Variants in CCAR1 observed in about 807,000 individuals in gnomAD.
CCAR1 encodes cell division cycle and apoptosis regulator protein 1.
Under a neutral mutation model 163.8 loss-of-function variants are expected in CCAR1, and 78 were observed. That is an observed-to-expected ratio of 0.48 (90% CI 0.40 to 0.57). The LOEUF is 0.57. CCAR1 is among the 20% of genes least tolerant of loss of function. The probability of loss-of-function intolerance (pLI) is 0.00; values close to 1 mark genes in which losing one functional copy is unlikely to be tolerated. For missense variants in CCAR1, 1,019 were observed against 1,365.2 expected, an observed-to-expected ratio of 0.75 and a Z score of 4.00; for synonymous variants, 443 against 460.7, an observed-to-expected ratio of 0.96 and a Z score of 0.49.
At chr10:68,742,979 C>T (rs2056202244) in intron 6 of CCAR1, among the ~76,000 whole-genome samples, 1 of 151,622 alleles carries the variant, frequency 6.6e-6, no homozygotes, top group African/African-American at 2.4e-5. Context: ...GTTGCCAAGG[C>T]TGGAGTGCAG....
chr10:68,785,027 C>T (rs564753358), intron 19 of CCAR1, among the ~76,000 whole-genome samples: 1 of 151,094 alleles, frequency 6.6e-6, no homozygotes, highest in African/African-American at 2.4e-5. Flanking sequence ...ACGCCATTCT[C>T]CTGTCTCAGC....
chr10:68,771,021 T>C (rs1258112264), intron 17 of CCAR1, among the ~76,000 whole-genome samples, 185 bp from the exon 18 acceptor site: 2 of 151,862 alleles, frequency 1.3e-5, no homozygotes, highest in African/African-American at 4.8e-5. Context: ...GAGCTTGCTG[T>C]GAGCCAAGAT....
intron 15 of CCAR1, among the ~76,000 whole-genome samples, chr10:68,758,528 G>GTA (rs2056423971): frequency 6.7e-6 from 1 of 150,324 alleles, no homozygotes; most frequent in East Asian, 2.0e-4. Flanking sequence ...GTGTGTGTGT[G>GTA]TGTGTGTGTG....
chr10:68,748,131 G>A (rs1296231068), intron 8 of CCAR1, among the ~76,000 whole-genome samples: 6 of 152,228 alleles, frequency 3.9e-5, no homozygotes, highest in African/African-American at 1.2e-4. Flanking sequence ...TGGGATTACA[G>A]GCTTGAGCCG....
chr10:68,779,571 A>G (rs537742481), intron 19 of CCAR1, among the ~76,000 whole-genome samples: 1 of 152,228 alleles, frequency 6.6e-6, no homozygotes, highest in South Asian at 2.1e-4. Context: ...TCTTTTTCTT[A>G]TCAAGTTAAT....
chr10:68,733,314 G>C (rs1457572347), intron 2 of CCAR1, among the ~76,000 whole-genome samples: 1 of 152,100 alleles, frequency 6.6e-6, no homozygotes, highest in Non-Finnish European at 1.5e-5. Flanking sequence ...TGGAGGCTGA[G>C]GGAGGAGGAT....
intron 10 of CCAR1, among the ~76,000 whole-genome samples, chr10:68,753,564 A>G (rs1282549684): frequency 1.3e-5 from 2 of 152,218 alleles, no homozygotes; most frequent in Non-Finnish European, 2.9e-5. Context: ...GCTTTTGTAC[A>G]GATCTTTTCT....
At chr10:68,739,160 CT>C (rs2056151208) in intron 4 of CCAR1, among the ~76,000 whole-genome samples, 1 of 152,066 alleles carries the variant, frequency 6.6e-6, no homozygotes, top group East Asian at 1.9e-4. Context: ...TGGTCTCATT[CT>C]TTTTTGAGAC....
At position 68,740,619 on chromosome 10, in the gene CCAR1, C is replaced by G; in HGVS notation, c.292-10C>G. On this transcript the variant is annotated splice_polypyrimidine_tract_variant and intron_variant, in intron 4 of 24. Coordinates refer to ENST00000265872, the MANE Select transcript of CCAR1 (RefSeq NM_018237.4). Reference sequence around the variant, plus strand: ...CCCTTTTCTGTGTGTGTTTATTTTTCTGTTTTCAGTTACAGCAACCCCAGC... The same window carrying G: ...CCCTTTTCTGTGTGTGTTTATTTTTGTGTTTTCAGTTACAGCAACCCCAGC... The G allele has an allele frequency of 6.2e-7, 1 of 1,609,568 alleles. No individual in the cohort carries two copies. The highest frequency in any genetic ancestry group is 1.3e-5 in the African/African-American group (1 of 74,912).
rs1387797101 is a variant in CCAR1 at position 68,776,576 on chromosome 10, A to G, written c.2650+3477A>G. Among the ~76,000 whole-genome samples the G allele has an allele frequency of 3.9e-5, 6 of 152,140 alleles. No individual in the cohort carries two copies. The East Asian group carries it at 1.2e-3, about 29-fold the overall frequency. ...AGCAAAACTCCGTCTGTAAAAAAGA[A>G]AAAGATAAGGTCTGTCACCCAGGCT... On this transcript the variant is annotated intron_variant, in intron 19 of 24. Transcript: ENST00000265872.
chr10:68,729,878 T>C (rs1426067344), intron 2 of CCAR1, among the ~76,000 whole-genome samples: 1 of 151,662 alleles, frequency 6.6e-6, no homozygotes, highest in Admixed American at 6.6e-5. Context: ...CAACATGTTC[T>C]GCCAGGTTTT....
At chr10:68,753,769 CA>C in intron 10 of CCAR1, 82 bp from the exon 11 acceptor site, 1 of 980,100 alleles carries the variant, frequency 1.0e-6, no homozygotes. Flanking sequence ...TTACTATATC[CA>C]GTTATATTTG....
chr10:68,749,324 A>G, intron 9 of CCAR1, 59 bp downstream of exon 9: 1 of 1,482,178 alleles, frequency 6.7e-7, no homozygotes, highest in Non-Finnish European at 9.1e-7. Context: ...ATGGAAACAT[A>G]GTTAATGCCA....
intron 21 of CCAR1, 61 bp from the exon 22 acceptor site, chr10:68,787,866 T>C: frequency 1.3e-6 from 2 of 1,483,918 alleles, no homozygotes; most frequent in Non-Finnish European, 1.8e-6. Context: ...TCATAGTTTT[T>C]CTAAGAGAAT....
chr10:68,745,095 T>G (rs1267027647), intron 6 of CCAR1, among the ~76,000 whole-genome samples: 1 of 152,148 alleles, frequency 6.6e-6, no homozygotes, highest in Non-Finnish European at 1.5e-5. Flanking sequence ...AACCTCCGCC[T>G]TCTGGTTTCA....
At chr10:68,766,994 T>C (rs189332529) in intron 17 of CCAR1, among the ~76,000 whole-genome samples, 11 of 152,336 alleles carry the variant, frequency 7.2e-5, no homozygotes. Flanking sequence ...CTGTATTTCA[T>C]GTAAATTGAT....
At chr10:68,733,147 T>TA (rs2056063272) in intron 2 of CCAR1, among the ~76,000 whole-genome samples, 1 of 152,138 alleles carries the variant, frequency 6.6e-6, no homozygotes, top group South Asian at 2.1e-4. Flanking sequence ...CAGTGGCTCA[T>TA]ACCTATAATC....
At chr10:68,768,388 T>A (rs1237097252) in intron 17 of CCAR1, among the ~76,000 whole-genome samples, 1 of 151,990 alleles carries the variant, frequency 6.6e-6, no homozygotes, top group Non-Finnish European at 1.5e-5. Flanking sequence ...GGCAGGTGGA[T>A]CACCTGAGGT....
chr10:68,747,297 G>C (rs1412623128), intron 7 of CCAR1, 22 bp downstream of exon 7: 2 of 1,584,742 alleles, frequency 1.3e-6, no homozygotes, highest in African/African-American at 2.7e-5. Flanking sequence ...ATTGAGTTAG[G>C]TATTATAGAA....
Sources: gnomAD v4.1 joint callset for allele counts (sites outside exome capture counted in the v4.1 genomes callset) on GRCh38, gnomAD v4.1.1 for gene constraint, MANE v1.5 for transcripts, NCBI Gene and HGNC (gene_info 2026-07-23, HGNC 2026-07-21) for gene names.